Variants in GPR137B observed in about 807,000 individuals in gnomAD.
GPR137B encodes the protein integral membrane protein GPR137B.
In GPR137B, 42 loss-of-function variants were observed where a neutral mutation model predicts 42.5. The ratio of observed to expected loss-of-function variants is 0.99; its 90% CI spans 0.77 to 1.28. The LOEUF is 1.28. GPR137B is among the 50% of genes most tolerant of loss of function. GPR137B has a pLI of 0.00. For missense variants in GPR137B, 487 were observed against 493.9 expected (o/e 0.99, Z 0.13); for synonymous variants, 218 against 209.7 (o/e 1.04, Z -0.34).
At chr1:236,198,877 G>T (rs1212796847) in intron 5 of GPR137B, among the ~76,000 whole-genome samples, 1 of 152,106 alleles carries the variant, frequency 6.6e-6, no homozygotes, top group Non-Finnish European at 1.5e-5. Context: ...CTCTTTACTG[G>T]TTTGGGTGCC....
rs1015847819 is a variant in GPR137B, at chr1:236,193,934, C to T, written c.966+10028C>T. 2.6e-5 allele frequency among the ~76,000 whole-genome samples: 4 copies of T among 152,172 alleles called. No homozygotes were observed. The South Asian group carries it at 8.3e-4, about 32-fold the overall frequency. Reference sequence around the variant, plus strand: ...TGGTGTCATACCCAAGAACCCTTTGCCACATCGTATACTGATGGTCCCTGA... The same window carrying T: ...TGGTGTCATACCCAAGAACCCTTTGTCACATCGTATACTGATGGTCCCTGA... On this transcript the variant is annotated intron_variant, in intron 5 of 6. Transcript: ENST00000366592.
At chr1:236,159,553 A>G (rs1662128448) in intron 1 of GPR137B, among the ~76,000 whole-genome samples, 1 of 151,868 alleles carries the variant, frequency 6.6e-6, no homozygotes, top group South Asian at 2.1e-4. Context: ...GGTGCTTGTA[A>G]TCCCAGCTAC....
At chr1:236,175,322 T>C (rs10802336) in intron 2 of GPR137B, among the ~76,000 whole-genome samples, 48,193 of 151,938 alleles carry the variant, frequency 0.32, 10,178 homozygotes, top group African/African-American at 0.57. Context: ...AGAGGAAGGT[T>C]TTGCTGTGTC....
rs1396528494 is a variant in GPR137B at position 236,160,822 on chromosome 1, C to T, written c.415-7884C>T. 7.9e-5 allele frequency among the ~76,000 whole-genome samples: 12 copies of T among 152,210 alleles called. 1 individual carries two copies. The highest frequency in any genetic ancestry group is 4.6e-4 in the Admixed American group (7 of 15,300). On this transcript the variant is annotated intron_variant, in intron 1 of 6. Coordinates refer to ENST00000366592, the MANE Select transcript of GPR137B (RefSeq NM_003272.4). The stretch of plus-strand genomic sequence containing the variant: ...CTGGACACCCTGACTGTCTCCTGCC[C>T]GGGGCCTCTCTCCCCTGCAGTCTTT...
chr1:236,163,977 AACACCTCTCATACCTCCTC>A (rs1662272106), intron 1 of GPR137B, among the ~76,000 whole-genome samples: 1 of 148,314 alleles, frequency 6.7e-6, no homozygotes, highest in African/African-American at 2.5e-5. Context: ...CCATGCTTTC[AACACCTCTCATACCTCCTC>A]ACACCTCCCA....
intron 1 of GPR137B, among the ~76,000 whole-genome samples, chr1:236,157,807 A>C (rs1662076038): frequency 1.3e-5 from 2 of 152,218 alleles, no homozygotes; most frequent in Non-Finnish European, 2.9e-5. Context: ...GTTCAAACCC[A>C]TGCTGCCCAG....
intron 1 of GPR137B, among the ~76,000 whole-genome samples, chr1:236,161,493 C>CACGCCTCCCA (rs1662193664): frequency 6.6e-6 from 1 of 152,040 alleles, no homozygotes; most frequent in Non-Finnish European, 1.5e-5. Context: ...CTTCACACCT[C>CACGCCTCCCA]CTCACGCCTC....
intron 5 of GPR137B, among the ~76,000 whole-genome samples, chr1:236,185,389 C>T (rs1281647016): frequency 2.0e-5 from 3 of 152,114 alleles, no homozygotes; most frequent in Admixed American, 6.5e-5. Flanking sequence ...ACTCAAAGTG[C>T]GGCTCTTTAC....
intron 1 of GPR137B, among the ~76,000 whole-genome samples, chr1:236,159,829 C>T (rs1458204478): frequency 6.6e-6 from 1 of 152,310 alleles, no homozygotes; most frequent in East Asian, 1.9e-4. Context: ...GCCTGGGTTA[C>T]CAAGGGGGCA....
intron 1 of GPR137B, among the ~76,000 whole-genome samples, chr1:236,163,391 G>A (rs894238338): frequency 6.6e-6 from 1 of 152,208 alleles, no homozygotes; most frequent in African/African-American, 2.4e-5. Flanking sequence ...GCTGAAATGA[G>A]TTAAGACTTT....
At chr1:236,152,865 G>A (rs1195841895) in intron 1 of GPR137B, among the ~76,000 whole-genome samples, 1 of 151,790 alleles carries the variant, frequency 6.6e-6, no homozygotes, top group Admixed American at 6.6e-5. Flanking sequence ...AGACCAGCCT[G>A]GCCAACATGG....
intron 1 of GPR137B, among the ~76,000 whole-genome samples, chr1:236,166,473 AT>A (rs1485612880): frequency 1.5e-4 from 20 of 135,770 alleles, no homozygotes; most frequent in South Asian, 1.1e-3. Context: ...AAATATATAC[AT>A]TATATATATT....
intron 1 of GPR137B, among the ~76,000 whole-genome samples, chr1:236,167,317 T>C (rs1662389576): frequency 6.6e-6 from 1 of 152,216 alleles, no homozygotes; most frequent in Non-Finnish European, 1.5e-5. Flanking sequence ...AACAATACAT[T>C]GTTACTGACT....
intron 1 of GPR137B, among the ~76,000 whole-genome samples, chr1:236,145,451 C>T (rs1334621591): frequency 1.3e-5 from 2 of 152,152 alleles, no homozygotes; most frequent in African/African-American, 2.4e-5. Flanking sequence ...CTCCGCCTCC[C>T]GGGTTCAAAT....
intron 5 of GPR137B, among the ~76,000 whole-genome samples, chr1:236,187,570 C>T (rs145150560): frequency 0.017 from 2,554 of 152,240 alleles, 22 homozygotes; most frequent in South Asian, 0.034. Flanking sequence ...TTTCCCAACA[C>T]CATTTATTAA....
At position 236,150,005 on chromosome 1, in the gene GPR137B, G is replaced by T. The variant is rs996413563; in HGVS notation, c.414+6969G>T. On this transcript the variant is annotated intron_variant, in intron 1 of 6. Coordinates refer to ENST00000366592, the MANE Select transcript of GPR137B (RefSeq NM_003272.4). This position sits in a 1 kb window ranked among gnomAD's most constrained non-coding sequence, Gnocchi z 6.2. ...GTGTGGGGTTTGTGTATGTGTGCCT[G>T]TGTGTGTGCCTGTGTGTGTACCTGT... is the stretch of plus-strand genomic sequence containing the variant. Among the ~76,000 whole-genome samples the T allele has an allele frequency of 5.3e-5, 8 of 151,380 alleles. No individual in the cohort carries two copies. Among genetic ancestry groups the T allele is most frequent in the Non-Finnish European group, 1.0e-4 (7 of 67,806 alleles).
At chr1:236,157,333 C>T (rs1662061132) in intron 1 of GPR137B, among the ~76,000 whole-genome samples, 1 of 152,038 alleles carries the variant, frequency 6.6e-6, no homozygotes, top group Admixed American at 6.6e-5. Flanking sequence ...ACGCCATTCT[C>T]CTGCCTCAGT....
intron 5 of GPR137B, among the ~76,000 whole-genome samples, chr1:236,188,894 G>A (rs1418775401): frequency 6.6e-6 from 1 of 152,172 alleles, no homozygotes; most frequent in Non-Finnish European, 1.5e-5. Context: ...CAGAAGGAAT[G>A]GTACCAGCTC....
At position 236,142,900 on chromosome 1, in the gene GPR137B, C is replaced by A; in HGVS notation, c.278C>A (p.Thr93Asn). 6.2e-7 allele frequency: 1 copy of A among 1,614,204 alleles called. No individual in the cohort carries two copies. Among genetic ancestry groups the A allele is most frequent in the Non-Finnish European group, 8.5e-7 (1 of 1,179,994 alleles). Reference protein sequence around the residue: ...FLCLFWASLRTVLFSFYFKDF... With the variant: ...FLCLFWASLRNVLFSFYFKDF... ...TGCCTCTTCTGGGCCTCCCTGCGGACCGTCCTCTTCTCCTTCTACTTCAAA... is the reference window on the plus strand; with the variant it reads ...TGCCTCTTCTGGGCCTCCCTGCGGAACGTCCTCTTCTCCTTCTACTTCAAA... The change falls in exon 1 of 7, where the codon ACC (threonine) becomes AAC (asparagine). Residue 93 changes from threonine (T) to asparagine (N), a missense_variant. Coordinates refer to ENST00000366592, the MANE Select transcript of GPR137B (RefSeq NM_003272.4).
Sources: gnomAD v4.1 joint callset for allele counts (sites outside exome capture counted in the v4.1 genomes callset) on GRCh38, gnomAD v4.1.1 for gene constraint, Gnocchi (gnomAD v3.1) non-coding constraint, MANE v1.5 for transcripts, NCBI Gene and HGNC (gene_info 2026-07-23, HGNC 2026-07-21) for gene names.